NRG1: variants seen among roughly 807,000 people sequenced by gnomAD.
The protein encoded by NRG1 is neuregulin 1, also known as pro-neuregulin-1, membrane-bound isoform.
NRG1 carries 18 observed loss-of-function variants against 63.8 expected under a neutral mutation model. The ratio of observed to expected loss-of-function variants is 0.28; its 90% confidence interval spans 0.19 to 0.42. NRG1 has a LOEUF of 0.42. Among genes scored for constraint, NRG1 ranks in the 10% least tolerant of loss-of-function variants. The pLI, the probability that NRG1 is intolerant of heterozygous loss-of-function variation, is 1.00. For synonymous variants in NRG1, 302 were observed against 301.3 expected, an observed-to-expected ratio of 1.00 and a Z score of -0.02; for missense variants, 762 against 814.7, an observed-to-expected ratio of 0.94 and a Z score of 0.79.
intron 1 of NRG1, among the ~76,000 whole-genome samples, chr8:32,488,206 ATCAC>A (rs1348175020): frequency 3.3e-5 from 5 of 152,174 alleles, no homozygotes; most frequent in Admixed American, 6.5e-5. Flanking sequence ...AGAGTTTCCA[ATCAC>A]TCACTCACTC....
At chr8:32,382,182 G>A (rs1156669905) in intron 1 of NRG1, among the ~76,000 whole-genome samples, 2 of 152,114 alleles carry the variant, frequency 1.3e-5, no homozygotes, top group Non-Finnish European at 2.9e-5. Flanking sequence ...TGACAATTGA[G>A]ATTTAAAGAG....
chr8:32,758,012 C>T (rs1477354616), intron 9 of NRG1, among the ~76,000 whole-genome samples: 1 of 152,160 alleles, frequency 6.6e-6, no homozygotes, highest in Non-Finnish European at 1.5e-5. Flanking sequence ...GGAAGATCCA[C>T]ATGGAATAGC....
At chr8:31,779,665 G>C (rs1819491592) in intron 1 of NRG1, among the ~76,000 whole-genome samples, 1 of 152,178 alleles carries the variant, frequency 6.6e-6, no homozygotes, top group South Asian at 2.1e-4. Context: ...CTACAGTGGG[G>C]ATGACTCATA....
chr8:31,826,823 G>A (rs925590677), intron 1 of NRG1, among the ~76,000 whole-genome samples: 1 of 152,222 alleles, frequency 6.6e-6, no homozygotes, highest in African/African-American at 2.4e-5. Flanking sequence ...GAGAGAAGCA[G>A]TTACATGAAG....
chr8:32,695,469 A>T (rs551282789), intron 5 of NRG1, among the ~76,000 whole-genome samples: 14 of 152,332 alleles, frequency 9.2e-5, no homozygotes, highest in African/African-American at 3.4e-4. Context: ...TACCCTTATC[A>T]CAGTTTTATG....
intron 1 of NRG1, among the ~76,000 whole-genome samples, chr8:31,860,606 A>T (rs1828385633): frequency 1.3e-5 from 2 of 152,214 alleles, no homozygotes; most frequent in Admixed American, 1.3e-4. Context: ...AATAATAATG[A>T]TGACAATAAT....
rs1285139157 is a variant in NRG1, at chr8:31,806,076, GC to G, written c.37+166646del. Among the ~76,000 whole-genome samples, 6 of 152,020 alleles carry G rather than the reference GC, an allele frequency of 3.9e-5. No individual in the cohort carries two copies. The South Asian group carries it at 1.2e-3, about 32-fold the overall frequency. On this transcript the variant is annotated intron_variant, in intron 1 of 10. Coordinates refer to the NRG1 transcript ENST00000519301. ...TGGATAAATTACATTAGAAAATTTA[GC>G]TGGAGCAAATTATATTTGATTATTA...
At chr8:31,918,644 G>A (rs1833622664) in intron 1 of NRG1, among the ~76,000 whole-genome samples, 2 of 152,076 alleles carry the variant, frequency 1.3e-5, no homozygotes, top group South Asian at 2.1e-4. Context: ...GTTCATCAAG[G>A]ATATTGGTCT....
At chr8:32,109,897 G>T (rs756917685) in intron 1 of NRG1, among the ~76,000 whole-genome samples, 1 of 152,098 alleles carries the variant, frequency 6.6e-6, no homozygotes, top group Non-Finnish European at 1.5e-5. Context: ...AAAGCTCTGG[G>T]CTCCTTTGGA....
intron 1 of NRG1, among the ~76,000 whole-genome samples, chr8:31,856,986 G>A (rs999831386): frequency 1.6e-4 from 25 of 152,300 alleles, no homozygotes; most frequent in African/African-American, 1.7e-4. Flanking sequence ...ATCTCCAGCT[G>A]CGTGCTGGGA....
intron 1 of NRG1, among the ~76,000 whole-genome samples, chr8:31,914,465 G>A (rs1240391109): frequency 6.6e-6 from 1 of 150,574 alleles, no homozygotes; most frequent in Non-Finnish European, 1.5e-5. Context: ...AGAAAATATA[G>A]AATTTAATTT....
intron 1 of NRG1, among the ~76,000 whole-genome samples, chr8:32,486,974 A>T (rs1174288404): frequency 6.6e-6 from 1 of 152,198 alleles, no homozygotes; most frequent in Non-Finnish European, 1.5e-5. Flanking sequence ...TCCTTCTGCT[A>T]GATCTAGTTA....
chr8:32,471,160 C>T (rs1179933694), intron 1 of NRG1, among the ~76,000 whole-genome samples: 2 of 152,164 alleles, frequency 1.3e-5, no homozygotes, highest in Non-Finnish European at 2.9e-5. Context: ...TCACTTGTCC[C>T]ATTTCTAATT....
At chr8:31,813,516 C>CTTTTCTTTTCTTTTTTT in intron 1 of NRG1, among the ~76,000 whole-genome samples, 6 of 101,216 alleles carry the variant, frequency 5.9e-5, no homozygotes, top group Non-Finnish European at 7.8e-5. Flanking sequence ...CTTTTCTTTT[C>CTTTTCTTTTCTTTTTTT]TTTTTTTTTT....
chr8:32,308,171 A>C (rs6468096), intron 1 of NRG1, among the ~76,000 whole-genome samples: 1 of 151,986 alleles, frequency 6.6e-6, no homozygotes, highest in Non-Finnish European at 1.5e-5. Flanking sequence ...GATGGTTTCC[A>C]CTTAGATTCC....
intron 5 of NRG1, chr8:32,647,312 T>C (rs551839357): frequency 1.0e-6 from 1 of 985,394 alleles, no homozygotes; most frequent in African/African-American, 1.7e-5. Flanking sequence ...ACAGTTGTTT[T>C]CTTCATCTGA....
intron 1 of NRG1, among the ~76,000 whole-genome samples, chr8:31,743,929 A>G (rs1398308268): frequency 6.6e-6 from 1 of 152,032 alleles, no homozygotes; most frequent in East Asian, 1.9e-4. Flanking sequence ...GCCGAGGAAT[A>G]GTAAAGAAAA....
intron 1 of NRG1, among the ~76,000 whole-genome samples, chr8:32,148,133 G>C (rs1459198654): frequency 6.6e-6 from 1 of 152,108 alleles, no homozygotes; most frequent in East Asian, 1.9e-4. Flanking sequence ...TATTTTGAGT[G>C]TCTTAACTCA....
intron 1 of NRG1, among the ~76,000 whole-genome samples, chr8:32,032,344 A>G (rs1322829941): frequency 1.3e-5 from 2 of 151,950 alleles, no homozygotes; most frequent in South Asian, 2.1e-4. Flanking sequence ...GCTCACCGCA[A>G]TCTCCACCTT....
Sources: gnomAD v4.1 joint callset for allele counts (sites outside exome capture counted in the v4.1 genomes callset) on GRCh38, gnomAD v4.1.1 for gene constraint, MANE v1.5 for transcripts, NCBI Gene and HGNC (gene_info 2026-07-23, HGNC 2026-07-21) for gene names.